AGAP4: variants seen among roughly 807,000 people sequenced by gnomAD.
AGAP4 encodes the protein arf-GAP with GTPase, ANK repeat and PH domain-containing protein 4.
AGAP4 carries 13 observed loss-of-function variants against 60.7 expected under a neutral mutation model. The observed-to-expected ratio is 0.21, with a 90% CI of 0.14 to 0.34. AGAP4 has a LOEUF of 0.34. Ranked by LOEUF, AGAP4 falls within the 10% of genes least tolerant of loss-of-function variation. The probability of loss-of-function intolerance (pLI) is 1.00; values close to 1 mark genes in which losing one functional copy is unlikely to be tolerated. For synonymous variants in AGAP4, 70 were observed against 339.0 expected, an observed-to-expected ratio of 0.21 and a Z score of 8.72; for missense variants, 169 against 884.0, an observed-to-expected ratio of 0.19 and a Z score of 10.26.
chr10:45,847,549 C>T (rs1209285079), upstream of AGAP4: 5 of 1,448,158 alleles, frequency 3.5e-6, no homozygotes, highest in East Asian at 7.4e-5. Context: ...GGGCCAAGGC[C>T]CGCACCCTGC....
Position 45,841,704 on chromosome 10 carries a change from A to C in AGAP4, c.362-17T>G, listed in dbSNP as rs1458049074. 3.7e-6 allele frequency: 3 copies of C among 803,472 alleles called. No individual in the cohort carries two copies. Among genetic ancestry groups the C allele is most frequent in the African/African-American group, 1.7e-5 (1 of 57,604 alleles). The allele number at this position is 803,472 out of a possible 1,614,324, so 49.8% of individuals were successfully genotyped here. A position where few individuals can be genotyped will look rare whatever the true frequency, so the allele number is the denominator to read the frequency against. ...TTTCTACAACTAAGAATAAAAAAAA[A>C]AAAACTGGTCACTTCTGATACAAAT... On this transcript the variant is annotated splice_polypyrimidine_tract_variant and intron_variant, in intron 3 of 7. Transcript: ENST00000616763.
upstream of AGAP4, chr10:45,853,933 A>G (rs2059111928): frequency 6.0e-6 from 7 of 1,176,380 alleles, no homozygotes; most frequent in Admixed American, 2.5e-4. Context: ...ACGTAAGTTC[A>G]TTCATATATG....
intron 2 of AGAP4, 94 bp from the exon 3 acceptor site, chr10:45,844,488 C>A: frequency 6.4e-7 from 1 of 1,562,950 alleles, no homozygotes. Context: ...GGCTATTTCA[C>A]TATCTCTACT....
intron 6 of AGAP4, among the ~76,000 whole-genome samples, chr10:45,830,104 T>C (rs1200821984): frequency 1.4e-5 from 2 of 147,728 alleles, no homozygotes; most frequent in East Asian, 2.0e-4. Context: ...TACCCACAAC[T>C]GTCTGAAAAC....
rs1322370135 is a variant in AGAP4, at chr10:45,847,499, C to T, written c.-152G>A. The T allele has an allele frequency of 2.3e-5, 35 of 1,523,872 alleles. No homozygotes were observed. The highest frequency in any genetic ancestry group is 3.1e-5 in the Non-Finnish European group (35 of 1,143,600). The allele number at this position is 1,523,872 out of a possible 1,614,324, so 94.4% of individuals were successfully genotyped here. A position where few individuals can be genotyped will look rare whatever the true frequency, so the allele number is the denominator to read the frequency against. ...CTCACAGCGCGGCCCCGGGCACCAG[C>T]CCTGGCCCTGGCCCTGGCCCCGGCC... On this transcript the variant is annotated 5_prime_UTR_variant, in exon 1 of 8. Transcript: ENST00000616763.
chr10:45,841,838 G>A (rs1199971309), intron 3 of AGAP4, 151 bp from the exon 4 acceptor site: 15 of 641,784 alleles, frequency 2.3e-5, no homozygotes, highest in Non-Finnish European at 3.4e-5. Context: ...TAAATTATCT[G>A]GCATGATTAA....
chr10:45,844,556 C>A (rs1249436749), intron 2 of AGAP4, 162 bp from the exon 3 acceptor site: 44 of 1,292,956 alleles, frequency 3.4e-5, no homozygotes, highest in Non-Finnish European at 4.1e-5. Flanking sequence ...GGCAAGATGG[C>A]ACATGCTTGT....
At chr10:45,837,002 G>T (rs1311360183) in intron 4 of AGAP4, among the ~76,000 whole-genome samples, 4 of 146,812 alleles carry the variant, frequency 2.7e-5, no homozygotes, top group Non-Finnish European at 4.6e-5. Context: ...GAGTAGATGG[G>T]ATTACAGGTG....
chr10:45,836,877 T>G (rs1406065079), intron 4 of AGAP4, among the ~76,000 whole-genome samples: 1 of 146,926 alleles, frequency 6.8e-6, no homozygotes, highest in Non-Finnish European at 1.5e-5. Flanking sequence ...TCTTTTTTTT[T>G]TTTTTGAGAT....
At chr10:45,838,400 G>T (rs1261413499) in intron 4 of AGAP4, among the ~76,000 whole-genome samples, 779 of 149,180 alleles carry the variant, frequency 5.2e-3, no homozygotes, top group African/African-American at 0.019. Context: ...AAAGAACTTA[G>T]TCATGTCACC....
chr10:45,850,618 G>T (rs2059071692), upstream of AGAP4, among the ~76,000 whole-genome samples: 1 of 152,234 alleles, frequency 6.6e-6, no homozygotes, highest in South Asian at 2.1e-4. Context: ...AATGCTAAGG[G>T]CAGTGGCAGT....
At chr10:45,848,354 G>A (rs3964866), upstream of AGAP4, among the ~76,000 whole-genome samples, 34 of 142,346 alleles carry the variant, frequency 2.4e-4, 1 homozygote, top group Admixed American at 7.2e-5. Flanking sequence ...TCTTCCTTCC[G>A]TGGCAGGGAC....
intron 4 of AGAP4, among the ~76,000 whole-genome samples, chr10:45,834,674 CAAAAAAAA>C (rs1174820110): frequency 2.4e-3 from 37 of 15,226 alleles, no homozygotes; most frequent in Non-Finnish European, 3.1e-3. Context: ...GACTCCGCCT[CAAAAAAAA>C]AAAAAAAAAA....
At chr10:45,849,473 G>GATTCTT (rs1554900084), upstream of AGAP4, among the ~76,000 whole-genome samples, 1 of 145,104 alleles carries the variant, frequency 6.9e-6, no homozygotes, top group African/African-American at 2.5e-5. Context: ...TGATGATGAT[G>GATTCTT]ATTATTATTA....
At chr10:45,836,887 T>C (rs1252810034) in intron 4 of AGAP4, among the ~76,000 whole-genome samples, 2 of 147,334 alleles carry the variant, frequency 1.4e-5, no homozygotes, top group African/African-American at 5.1e-5. Flanking sequence ...TTTTTTGAGA[T>C]GGAGTCTCGC....
chr10:45,842,669 C>T (rs1174524155), intron 3 of AGAP4, among the ~76,000 whole-genome samples: 2 of 145,876 alleles, frequency 1.4e-5, no homozygotes, highest in Non-Finnish European at 3.0e-5. Flanking sequence ...TTGGGCCATG[C>T]TTTGTTTCCT....
chr10:45,844,471 G>A (rs2135961374), intron 2 of AGAP4, 77 bp from the exon 3 acceptor site: 1 of 1,585,698 alleles, frequency 6.3e-7, no homozygotes, highest in South Asian at 1.1e-5. Context: ...TTCGACTGCT[G>A]CATTTAGGCT....
chr10:45,853,065 A>C, intron 1 of AGAP4, among the ~76,000 whole-genome samples: 1 of 152,156 alleles, frequency 6.6e-6, no homozygotes, highest in South Asian at 2.1e-4. Context: ...AAAAGTCTGT[A>C]ATGATCTTTT....
At chr10:45,847,636 C>G (rs1325778320), upstream of AGAP4, 12 of 1,385,326 alleles carry the variant, frequency 8.7e-6, no homozygotes. Flanking sequence ...CCAACAAGTG[C>G]TGAGAGACAC....
Sources: gnomAD v4.1 joint callset for allele counts (sites outside exome capture counted in the v4.1 genomes callset) on GRCh38, gnomAD v4.1.1 for gene constraint, MANE v1.5 for transcripts, NCBI Gene and HGNC (gene_info 2026-07-23, HGNC 2026-07-21) for gene names.